The following MLLT1 variants were observed in gnomAD, a reference collection of about 807,000 sequenced individuals.
The protein encoded by MLLT1 is MLLT1 super elongation complex subunit, also known as protein ENL.
MLLT1 carries 11 observed loss-of-function variants against 55.1 expected under a neutral mutation model. The ratio of observed to expected loss-of-function variants is 0.20; its 90% confidence interval spans 0.13 to 0.33. MLLT1 has a LOEUF of 0.33. Ranked by LOEUF, MLLT1 falls within the 10% of genes least tolerant of loss-of-function variation. The pLI, the probability that MLLT1 is intolerant of heterozygous loss-of-function variation, is 1.00. For synonymous variants in MLLT1, 323 were observed against 320.1 expected, an observed-to-expected ratio of 1.01 and a Z score of -0.10; for missense variants, 536 against 760.6, an observed-to-expected ratio of 0.70 and a Z score of 3.47.
chr19:6,233,464 G>A (rs2091031539), intron 3 of MLLT1, among the ~76,000 whole-genome samples: 1 of 152,214 alleles, frequency 6.6e-6, no homozygotes, highest in East Asian at 1.9e-4. Flanking sequence ...AGGCGGGGAG[G>A]TGTGACCTGT....
Position 6,230,514 on chromosome 19 carries a change from A to G in MLLT1, c.420+56T>C, listed in dbSNP as rs2090999294. On this transcript the variant is annotated intron_variant, in intron 4 of 11. Coordinates refer to ENST00000252674, the MANE Select transcript of MLLT1 (RefSeq NM_005934.4). This position sits in a 1 kb window ranked among gnomAD's most constrained non-coding sequence, Gnocchi z 9.0. ...CCTCTGGCTGGGCACAGACGGCCGC[A>G]GCAAAGTAGCCTCGGTGGAGCGGCC... is the stretch of plus-strand genomic sequence containing the variant. 1.0e-5 allele frequency: 16 copies of G among 1,599,264 alleles called. No homozygotes were observed. Among genetic ancestry groups the G allele is most frequent in the Non-Finnish European group, 1.1e-5 (13 of 1,174,864 alleles).
chr19:6,276,150 C>G lies in MLLT1; in HGVS notation c.12+3623G>C, dbSNP rs1463885645. Among the ~76,000 whole-genome samples the G allele has an allele frequency of 5.3e-5, 8 of 152,222 alleles. No homozygotes were observed. The South Asian group carries it at 1.7e-3, about 31-fold the overall frequency. On this transcript the variant is annotated intron_variant, in intron 1 of 11. Coordinates refer to ENST00000252674, the MANE Select transcript of MLLT1 (RefSeq NM_005934.4). ...GGGAAATGGGACTCTGGTCCCTGCC[C>G]TCAACTGCTTCACAATATAATCACT... is the stretch of plus-strand genomic sequence containing the variant.
In MLLT1 at chr19:6,211,631, G is replaced by A. The variant is rs1366205763; in HGVS notation, c.*1411C>T. Reference sequence around the variant, plus strand: ...TCAGCCCTCTTTTCCTCATAACTTGGTCAGGGCACAAGGACTTGAAAGGAC... The same window carrying A: ...TCAGCCCTCTTTTCCTCATAACTTGATCAGGGCACAAGGACTTGAAAGGAC... On this transcript the variant is annotated 3_prime_UTR_variant, in exon 12 of 12. Transcript: ENST00000252674. The surrounding 1 kb of genome is among the most constrained non-coding windows in gnomAD (Gnocchi z 4.6). 4 of 1,064,878 alleles carry A rather than the reference G, an allele frequency of 3.8e-6. No individual in the cohort carries two copies. Among genetic ancestry groups the A allele is most frequent in the Non-Finnish European group, 3.4e-6 (3 of 878,984 alleles). The allele number at this position is 1,064,878 out of a possible 1,614,324, so 66.0% of individuals were successfully genotyped here.
At chr19:6,261,681 A>G (rs2091307181) in intron 3 of MLLT1, among the ~76,000 whole-genome samples, 1 of 151,292 alleles carries the variant, frequency 6.6e-6, no homozygotes, top group Non-Finnish European at 1.5e-5. Flanking sequence ...AGATGAAAGA[A>G]AAGAAAAGAA....
intron 3 of MLLT1, chr19:6,259,317 G>GT (rs1353348701): frequency 6.6e-6 from 1 of 152,236 alleles, no homozygotes; most frequent in African/African-American, 2.4e-5. Flanking sequence ...CTATGACCCT[G>GT]TCCCTAATCG....
At chr19:6,275,794 T>C (rs2091424644) in intron 1 of MLLT1, among the ~76,000 whole-genome samples, 1 of 152,198 alleles carries the variant, frequency 6.6e-6, no homozygotes, top group Non-Finnish European at 1.5e-5. Flanking sequence ...GTAGACCACC[T>C]GGAAATGCAA....
chr19:6,244,447 C>T (rs1471264272), intron 3 of MLLT1, among the ~76,000 whole-genome samples: 3 of 151,996 alleles, frequency 2.0e-5, no homozygotes, highest in South Asian at 4.1e-4. Context: ...GACAGTCTCC[C>T]CCGCCTCTCT....
chr19:6,231,605 T>C lies in MLLT1; in HGVS notation c.277-892A>G, dbSNP rs1163405008. Among the ~76,000 whole-genome samples, 1 of 151,916 alleles carries C rather than the reference T, an allele frequency of 6.6e-6. No homozygotes were observed. The highest frequency in any genetic ancestry group is 1.9e-4 in the East Asian group (1 of 5,160). The stretch of plus-strand genomic sequence containing the variant: ...CGGCTCACTGCAAGCTCCACCTCCC[T>C]GGTTCATGCCTGGAGCCTCCCAAGC... On this transcript the variant is annotated intron_variant, in intron 3 of 11. Transcript: ENST00000252674. This position sits in a 1 kb window ranked among gnomAD's most constrained non-coding sequence, Gnocchi z 5.1.
intron 3 of MLLT1, among the ~76,000 whole-genome samples, chr19:6,237,053 C>G (rs1449910625): frequency 6.6e-6 from 1 of 152,254 alleles, no homozygotes; most frequent in Non-Finnish European, 1.5e-5. Context: ...GTGCCAAAGG[C>G]TGCAGCATGC....
intron 3 of MLLT1, among the ~76,000 whole-genome samples, chr19:6,236,767 G>A (rs1460158524): frequency 6.6e-6 from 1 of 152,222 alleles, no homozygotes; most frequent in Non-Finnish European, 1.5e-5. Flanking sequence ...GAGATGTTGG[G>A]ATAGCAGCTC....
chr19:6,240,988 G>A lies in MLLT1; in HGVS notation c.277-10275C>T, dbSNP rs1218475222. 6.6e-6 allele frequency among the ~76,000 whole-genome samples: 1 copy of A among 152,144 alleles called. No homozygotes were observed. The highest frequency in any genetic ancestry group is 1.5e-5 in the Non-Finnish European group (1 of 68,028). On this transcript the variant is annotated intron_variant, in intron 3 of 11. Coordinates refer to ENST00000252674, the MANE Select transcript of MLLT1 (RefSeq NM_005934.4). The surrounding 1 kb of genome is among the most constrained non-coding windows in gnomAD (Gnocchi z 4.7). ...TCTCCTCAGTCTGACACCAGAAAAG[G>A]CAGAAAGCAGCCAGCAACGTAAACA...
rs2091310366 is a variant in MLLT1, at chr19:6,262,087, CCAGCACCCCCCG to C, written c.276+129_276+140del. The C allele has an allele frequency of 1.5e-6, 1 of 668,610 alleles. No homozygotes were observed. The highest frequency in any genetic ancestry group is 1.8e-5 in the African/African-American group (1 of 56,038). The allele number at this position is 668,610 out of a possible 1,614,324, so 41.4% of individuals were successfully genotyped here. On this transcript the variant is annotated intron_variant, in intron 3 of 11. Coordinates refer to ENST00000252674, the MANE Select transcript of MLLT1 (RefSeq NM_005934.4). The surrounding 1 kb of genome is among the most constrained non-coding windows in gnomAD (Gnocchi z 4.4). ...ACGTCCCCAGGAATGGAGATGGTGA[CCAGCACCCCCCG>C]CAGCACTCACTGGAATGTCTGTGCA...
At position 6,212,393 on chromosome 19, in the gene MLLT1, A is replaced by G; in HGVS notation, c.*649T>C. On this transcript the variant is annotated 3_prime_UTR_variant, in exon 12 of 12. Coordinates refer to ENST00000252674, the MANE Select transcript of MLLT1 (RefSeq NM_005934.4). ...CCACCGCAGAGACATCTTAACCTAC[A>G]AGCCCCACCGTACGCACCCCCCACC... 1 of 1,065,856 alleles carries G rather than the reference A, an allele frequency of 9.4e-7. No homozygotes were observed. Among genetic ancestry groups the G allele is most frequent in the Non-Finnish European group, 1.1e-6 (1 of 879,710 alleles). The allele number at this position is 1,065,856 out of a possible 1,614,324, so 66.0% of individuals were successfully genotyped here.
Position 6,212,403 on chromosome 19 carries a change from G to A in MLLT1, c.*639C>T, listed in dbSNP as rs1243918588. 6.6e-6 allele frequency: 7 copies of A among 1,065,820 alleles called. No individual in the cohort carries two copies. Among genetic ancestry groups the A allele is most frequent in the Middle Eastern group, 4.2e-4 (1 of 2,406 alleles). 66.0% of individuals were successfully genotyped at this position (1,065,820 alleles called of 1,614,324 possible). On this transcript the variant is annotated 3_prime_UTR_variant, in exon 12 of 12. Coordinates refer to ENST00000252674, the MANE Select transcript of MLLT1 (RefSeq NM_005934.4). Reference sequence around the variant, plus strand: ...GACATCTTAACCTACAAGCCCCACCGTACGCACCCCCCACCCACCCCACGT... The same window carrying A: ...GACATCTTAACCTACAAGCCCCACCATACGCACCCCCCACCCACCCCACGT...
intron 6 of MLLT1, among the ~76,000 whole-genome samples, chr19:6,218,758 C>T (rs1019774702): frequency 5.9e-5 from 9 of 152,334 alleles, no homozygotes; most frequent in African/African-American, 2.2e-4. Context: ...AGAGGCGTAG[C>T]TCCTGGGTGG....
At chr19:6,213,437 G>A (rs778159991) in intron 10 of MLLT1, 29 bp from the exon 11 acceptor site, 45 of 1,560,868 alleles carry the variant, frequency 2.9e-5, no homozygotes, top group South Asian at 7.8e-5. Context: ...TCTCAGCAGC[G>A]TGTGGGGGCC....
At chr19:6,233,643 G>C (rs572119641) in intron 3 of MLLT1, among the ~76,000 whole-genome samples, 1 of 152,344 alleles carries the variant, frequency 6.6e-6, no homozygotes, top group East Asian at 1.9e-4. Context: ...AAACGCGAGA[G>C]GTGGTGCCTG....
chr19:6,236,940 C>A (rs2091067567), intron 3 of MLLT1, among the ~76,000 whole-genome samples: 1 of 152,222 alleles, frequency 6.6e-6, no homozygotes, highest in African/African-American at 2.4e-5. Flanking sequence ...TTGGGCCGGG[C>A]CAGGTCGCGA....
At chr19:6,258,895 C>T (rs1403753206) in intron 3 of MLLT1, among the ~76,000 whole-genome samples, 2 of 152,182 alleles carry the variant, frequency 1.3e-5, no homozygotes, top group African/African-American at 2.4e-5. Context: ...TGGAAGGAGC[C>T]GATACCATCT....
Sources: gnomAD v4.1 joint callset for allele counts (sites outside exome capture counted in the v4.1 genomes callset) on GRCh38, gnomAD v4.1.1 for gene constraint, Gnocchi (gnomAD v3.1) non-coding constraint, MANE v1.5 for transcripts, NCBI Gene and HGNC (gene_info 2026-07-23, HGNC 2026-07-21) for gene names.